Variants in TAF3 observed in about 807,000 individuals in gnomAD.
The protein encoded by TAF3 is transcription initiation factor TFIID subunit 3.
Under a neutral mutation model 80.6 loss-of-function variants are expected in TAF3, and 7 were observed. The observed-to-expected ratio is 0.09, with a 90% CI of 0.05 to 0.16. The LOEUF (loss-of-function observed/expected upper bound fraction) is 0.16. TAF3 is among the 10% of genes least tolerant of loss of function. TAF3 has a pLI of 1.00. For missense variants in TAF3, 921 were observed against 1,140.2 expected (o/e 0.81, Z 2.77); for synonymous variants, 444 against 446.1 (o/e 1.00, Z 0.06).
intron 2 of TAF3, among the ~76,000 whole-genome samples, chr10:7,881,521 G>A (rs981126258): frequency 6.6e-6 from 1 of 151,186 alleles, no homozygotes; most frequent in Non-Finnish European, 1.5e-5. Context: ...ACACTAGATA[G>A]CAGGTTTAGT....
intron 4 of TAF3, among the ~76,000 whole-genome samples, chr10:7,998,503 A>G (rs1295508163): frequency 6.6e-6 from 1 of 152,070 alleles, no homozygotes; most frequent in Non-Finnish European, 1.5e-5. Flanking sequence ...ATTTTAAGCC[A>G]TTCTAATGGG....
At chr10:7,896,566 C>T (rs1336144201) in intron 2 of TAF3, among the ~76,000 whole-genome samples, 3 of 152,216 alleles carry the variant, frequency 2.0e-5, no homozygotes, top group African/African-American at 7.2e-5. Context: ...TCTCATTCGA[C>T]AGTCGCATTT....
At chr10:8,010,704 C>T (rs1474425854) in intron 5 of TAF3, among the ~76,000 whole-genome samples, 1 of 152,150 alleles carries the variant, frequency 6.6e-6, no homozygotes, top group East Asian at 1.9e-4. Flanking sequence ...GTCAGGAGTT[C>T]GAGACCAGCC....
intron 4 of TAF3, 122 bp downstream of exon 4, chr10:7,977,445 T>G (rs1831684384): frequency 5.2e-6 from 4 of 774,934 alleles, no homozygotes; most frequent in Non-Finnish European, 7.9e-6. Context: ...TCAAGCTTTA[T>G]TTTTAGAACT....
chr10:7,911,000 A>G (rs1837652251), intron 2 of TAF3, among the ~76,000 whole-genome samples: 1 of 152,006 alleles, frequency 6.6e-6, no homozygotes, highest in Non-Finnish European at 1.5e-5. Flanking sequence ...AGTGTCTTTG[A>G]TATTTTATTT....
intron 2 of TAF3, among the ~76,000 whole-genome samples, chr10:7,950,764 T>G (rs1838074325): frequency 6.6e-6 from 1 of 152,216 alleles, no homozygotes; most frequent in Non-Finnish European, 1.5e-5. Flanking sequence ...GCCTTTGGTG[T>G]CAGCTCTCGC....
intron 2 of TAF3, among the ~76,000 whole-genome samples, chr10:7,890,650 A>G (rs1482740228): frequency 1.3e-5 from 2 of 152,230 alleles, no homozygotes; most frequent in Non-Finnish European, 2.9e-5. Flanking sequence ...ATTCTAGCAT[A>G]TCATCTATGA....
chr10:7,922,075 G>A (rs1388398050), intron 2 of TAF3, among the ~76,000 whole-genome samples: 1 of 152,020 alleles, frequency 6.6e-6, no homozygotes, highest in Admixed American at 6.5e-5. Context: ...AACAGTGATG[G>A]CCTGTTTACT....
chr10:7,906,027 G>A (rs1837605776), intron 2 of TAF3, among the ~76,000 whole-genome samples: 1 of 152,194 alleles, frequency 6.6e-6, no homozygotes, highest in Non-Finnish European at 1.5e-5. Context: ...AATAGAATGT[G>A]CTTTAGTGTA....
Position 7,963,000 on chromosome 10 carries a change from C to G in TAF3, c.410-920C>G, listed in dbSNP as rs58113019. Among the ~76,000 whole-genome samples the G allele has an allele frequency of 4.6e-5, 7 of 152,240 alleles. 1 individual carries two copies. The South Asian group carries it at 1.2e-3, about 27-fold the overall frequency. ...CCTTTTTGAAAGATTAGGAAACAGGCTCAGAGAGGTTGAGAGAGTCCCTAA... is the reference window on the plus strand; with the variant it reads ...CCTTTTTGAAAGATTAGGAAACAGGGTCAGAGAGGTTGAGAGAGTCCCTAA... On this transcript the variant is annotated intron_variant, in intron 2 of 6. Transcript: ENST00000344293.
At chr10:7,827,494 A>C (rs1038787765) in intron 2 of TAF3, among the ~76,000 whole-genome samples, 2 of 151,904 alleles carry the variant, frequency 1.3e-5, no homozygotes, top group African/African-American at 4.8e-5. Flanking sequence ...TAAAAATAAA[A>C]AACTTGGCTG....
chr10:7,893,906 C>T (rs1242268363), intron 2 of TAF3, among the ~76,000 whole-genome samples: 1 of 152,046 alleles, frequency 6.6e-6, no homozygotes, highest in African/African-American at 2.4e-5. Context: ...TCAAAAGACC[C>T]CTTAAGAAAC....
chr10:7,853,420 T>C (rs185398853), intron 2 of TAF3, among the ~76,000 whole-genome samples: 4 of 152,342 alleles, frequency 2.6e-5, no homozygotes, highest in African/African-American at 9.6e-5. Context: ...TGATTTATTG[T>C]CTTTTTTATT....
chr10:7,903,429 T>C lies in TAF3; in HGVS notation c.410-60491T>C, dbSNP rs146188755. ...CTTGTCTCAGCCTTGGAAGCAACTCTTTCTCCAGGAAGCTCACCTCCTTTT... is the reference window on the plus strand; with the variant it reads ...CTTGTCTCAGCCTTGGAAGCAACTCCTTCTCCAGGAAGCTCACCTCCTTTT... On this transcript the variant is annotated intron_variant, in intron 2 of 6. Coordinates refer to ENST00000344293, the MANE Select transcript of TAF3 (RefSeq NM_031923.4). 3.7e-3 allele frequency among the ~76,000 whole-genome samples: 566 copies of C among 152,314 alleles called. 4 individuals are homozygous for C. Among genetic ancestry groups the C allele is most frequent in the South Asian group, 0.02 (96 of 4,832 alleles).
chr10:7,826,495 A>G (rs561159149), intron 2 of TAF3, among the ~76,000 whole-genome samples: 2 of 152,240 alleles, frequency 1.3e-5, no homozygotes, highest in Admixed American at 6.5e-5. Context: ...TGAAATTACT[A>G]TATTACTATA....
chr10:7,840,369 G>T (rs1259559639), intron 2 of TAF3, among the ~76,000 whole-genome samples: 1 of 151,802 alleles, frequency 6.6e-6, no homozygotes, highest in Admixed American at 6.6e-5. Context: ...AGCCAGGATG[G>T]TCTCGATCTC....
Position 7,939,895 on chromosome 10 carries a change from A to C in TAF3, c.410-24025A>C, listed in dbSNP as rs1448411933. 2.0e-5 allele frequency among the ~76,000 whole-genome samples: 3 copies of C among 152,342 alleles called. No individual in the cohort carries two copies. In the East Asian group the frequency reaches 5.8e-4, roughly 29 times the overall value. On this transcript the variant is annotated intron_variant, in intron 2 of 6. Transcript: ENST00000344293. ...GAAGAGAGAACAATGAAACTAAAGG[A>C]AATGAAATTATCAAAGAAATAACAC...
chr10:7,982,376 T>A (rs545951861), intron 4 of TAF3, among the ~76,000 whole-genome samples: 3 of 152,316 alleles, frequency 2.0e-5, no homozygotes, highest in South Asian at 2.1e-4. Context: ...AATACATTTT[T>A]AAAATTAATT....
chr10:7,930,798 C>T (rs1277723215), intron 2 of TAF3, among the ~76,000 whole-genome samples: 1 of 151,714 alleles, frequency 6.6e-6, no homozygotes, highest in East Asian at 1.9e-4. Flanking sequence ...GTTATCACTA[C>T]AAAAGTAGCA....
Sources: allele counts gnomAD v4.1 joint callset (sites outside exome capture counted in the v4.1 genomes callset), GRCh38; gene constraint gnomAD v4.1.1; transcripts MANE v1.5; gene names NCBI Gene and HGNC (gene_info 2026-07-23, HGNC 2026-07-21).